NR2F1-AS1: variants seen among roughly 807,000 people sequenced by gnomAD.
NR2F1-AS1 encodes NR2F1 antisense RNA 1.
intron 4 of NR2F1-AS1, among the ~76,000 whole-genome samples, chr5:93,415,197 T>C (rs1466502478): frequency 6.6e-6 from 1 of 152,216 alleles, no homozygotes; most frequent in African/African-American, 2.4e-5. Context: ...TGCCACTTTA[T>C]AGCTGACCTA....
At chr5:93,557,219 G>A (rs1055817927) in intron 2 of NR2F1-AS1, among the ~76,000 whole-genome samples, 6 of 152,292 alleles carry the variant, frequency 3.9e-5, no homozygotes, top group East Asian at 1.9e-4. Flanking sequence ...GAGCTGCTTC[G>A]TGAATTTTCA....
chr5:93,570,690 C>T (rs1752735370), intron 1 of NR2F1-AS1: 1 of 152,230 alleles, frequency 6.6e-6, no homozygotes, highest in Admixed American at 6.5e-5. Flanking sequence ...GAGTGGTGGC[C>T]TTCTGCGGGG....
chr5:93,426,335 A>C (rs576843750), intron 4 of NR2F1-AS1, among the ~76,000 whole-genome samples: 1 of 152,308 alleles, frequency 6.6e-6, no homozygotes, highest in East Asian at 1.9e-4. Context: ...GGCATCAGCC[A>C]CCATGCCCGG....
chr5:93,553,551 T>C (rs1365609058), intron 4 of NR2F1-AS1, among the ~76,000 whole-genome samples: 3 of 152,234 alleles, frequency 2.0e-5, no homozygotes, highest in Admixed American at 6.5e-5. Flanking sequence ...TTTAAGTATA[T>C]TCACAGATAA....
chr5:93,464,430 G>A (rs773985027), intron 4 of NR2F1-AS1, among the ~76,000 whole-genome samples: 14 of 152,122 alleles, frequency 9.2e-5, no homozygotes, highest in Non-Finnish European at 1.9e-4. Flanking sequence ...ATTAGAAAAT[G>A]TGTTTTAAAA....
At chr5:93,501,785 A>G (rs1751084795) in intron 4 of NR2F1-AS1, among the ~76,000 whole-genome samples, 1 of 152,252 alleles carries the variant, frequency 6.6e-6, no homozygotes, top group Non-Finnish European at 1.5e-5. Context: ...GCAGGGTTTG[A>G]GAGAACTAAC....
chr5:93,475,221 A>G (rs771150946), intron 4 of NR2F1-AS1, among the ~76,000 whole-genome samples: 4 of 152,102 alleles, frequency 2.6e-5, no homozygotes, highest in Non-Finnish European at 4.4e-5. Context: ...ACCTGTCATC[A>G]GGGACTCAAA....
chr5:93,552,738 A>G (rs1327516394), intron 4 of NR2F1-AS1, among the ~76,000 whole-genome samples: 1 of 152,116 alleles, frequency 6.6e-6, no homozygotes, highest in Non-Finnish European at 1.5e-5. Flanking sequence ...CAACCTGACA[A>G]TGGTGATAAC....
intron 4 of NR2F1-AS1, among the ~76,000 whole-genome samples, chr5:93,499,449 A>T (rs1326713152): frequency 2.0e-5 from 3 of 152,004 alleles, no homozygotes; most frequent in Non-Finnish European, 4.4e-5. Context: ...TTTCATTATT[A>T]CTGTATCTGG....
intron 4 of NR2F1-AS1, among the ~76,000 whole-genome samples, chr5:93,442,828 C>T (rs1217081978): frequency 6.6e-6 from 1 of 152,150 alleles, no homozygotes; most frequent in Non-Finnish European, 1.5e-5. Context: ...GCCAGATGCC[C>T]CTCTGAGACA....
intron 4 of NR2F1-AS1, among the ~76,000 whole-genome samples, chr5:93,446,087 C>A (rs1314095282): frequency 6.6e-6 from 1 of 152,094 alleles, no homozygotes; most frequent in Non-Finnish European, 1.5e-5. Context: ...AACCCACAGC[C>A]AATATCATAC....
intron 4 of NR2F1-AS1, among the ~76,000 whole-genome samples, chr5:93,539,114 C>T (rs958626865): frequency 6.6e-6 from 1 of 151,998 alleles, no homozygotes; most frequent in African/African-American, 2.4e-5. Flanking sequence ...CCCATCTCTA[C>T]AAAAAATAGA....
chr5:93,486,350 A>C (rs1750716844), intron 4 of NR2F1-AS1, among the ~76,000 whole-genome samples: 1 of 152,132 alleles, frequency 6.6e-6, no homozygotes, highest in African/African-American at 2.4e-5. Flanking sequence ...ACTGCTAGCC[A>C]GACTAATACA....
intron 4 of NR2F1-AS1, among the ~76,000 whole-genome samples, chr5:93,518,528 A>G (rs1751441575): frequency 6.6e-6 from 1 of 152,136 alleles, no homozygotes; most frequent in Non-Finnish European, 1.5e-5. Context: ...ATACAATTTC[A>G]GAAATAAGAT....
At chr5:93,539,902 TTAACTAAA>T (rs1194742177) in intron 4 of NR2F1-AS1, among the ~76,000 whole-genome samples, 1 of 151,832 alleles carries the variant, frequency 6.6e-6, no homozygotes, top group African/African-American at 2.4e-5. Flanking sequence ...AAATTTTAAT[TTAACTAAA>T]TAAGAGACAG....
chr5:93,560,666 C>T (rs1425507785), intron 2 of NR2F1-AS1, among the ~76,000 whole-genome samples: 2 of 152,302 alleles, frequency 1.3e-5, no homozygotes, highest in East Asian at 3.9e-4. Flanking sequence ...AAATATAAAT[C>T]TTGTAAAATA....
At chr5:93,558,357 A>T (rs185956300) in intron 2 of NR2F1-AS1, among the ~76,000 whole-genome samples, 391 of 145,692 alleles carry the variant, frequency 2.7e-3, no homozygotes, top group Non-Finnish European at 4.3e-3. Context: ...ATCTTGCTCT[A>T]TCGCCCAGGC....
chr5:93,534,010 G>A (rs1461868711), intron 4 of NR2F1-AS1, among the ~76,000 whole-genome samples: 3 of 152,150 alleles, frequency 2.0e-5, no homozygotes, highest in Non-Finnish European at 2.9e-5. Context: ...TTGAACCCAG[G>A]AGGCGGAGCT....
chr5:93,465,762 A>C (rs996201448), intron 4 of NR2F1-AS1, among the ~76,000 whole-genome samples: 1 of 152,214 alleles, frequency 6.6e-6, no homozygotes, highest in Non-Finnish European at 1.5e-5. Context: ...GGATGAGTTC[A>C]TGTCCTTTGC....
Sources: gnomAD v4.1 joint callset for allele counts (sites outside exome capture counted in the v4.1 genomes callset) on GRCh38, gnomAD v4.1.1 for gene constraint, MANE v1.5 for transcripts, NCBI Gene and HGNC (gene_info 2026-07-23, HGNC 2026-07-21) for gene names.